FLT1: variants seen among roughly 807,000 people sequenced by gnomAD.
FLT1 encodes fms related receptor tyrosine kinase 1.
Under a neutral mutation model 156.3 loss-of-function variants are expected in FLT1, and 49 were observed. That is an observed-to-expected ratio of 0.31 (90% CI 0.25 to 0.40). The LOEUF (loss-of-function observed/expected upper bound fraction) is 0.40. FLT1 is among the 10% of genes least tolerant of loss of function. The probability of loss-of-function intolerance (pLI) is 1.00; values close to 1 mark genes in which losing one functional copy is unlikely to be tolerated. For synonymous variants in FLT1, 594 were observed against 583.8 expected, an observed-to-expected ratio of 1.02 and a Z score of -0.25; for missense variants, 1,322 against 1,637.2, an observed-to-expected ratio of 0.81 and a Z score of 3.32.
chr13:28,310,670 A>G (rs1283185827), intron 27 of FLT1, among the ~76,000 whole-genome samples: 1 of 152,138 alleles, frequency 6.6e-6, no homozygotes, highest in Non-Finnish European at 1.5e-5. Flanking sequence ...CCCTTCTCCA[A>G]TTCCCTCTGC....
At position 28,301,907 on chromosome 13, in the gene FLT1, T is replaced by C. The variant is rs1229009771; in HGVS notation, c.*1260A>G. ...CATAAATTACATACCACCTTTTTACTCAAGGAGCTTAAAGTGCTTAATATG... is the reference window on the plus strand; with the variant it reads ...CATAAATTACATACCACCTTTTTACCCAAGGAGCTTAAAGTGCTTAATATG... On this transcript the variant is annotated 3_prime_UTR_variant, in exon 30 of 30. Coordinates refer to ENST00000282397, the MANE Select transcript of FLT1 (RefSeq NM_002019.4). 1 of 233,532 alleles carries C rather than the reference T, an allele frequency of 4.3e-6. No individual in the cohort carries two copies. The highest frequency in any genetic ancestry group is 8.5e-6 in the Non-Finnish European group (1 of 117,990). 14.5% of individuals were successfully genotyped at this position (233,532 alleles called of 1,614,324 possible).
Position 28,439,781 on chromosome 13 carries a change from T to G in FLT1, c.389-1436A>C, listed in dbSNP as rs1194275277. ...CAAGGATTGCGGGCAACCACCAGCA[T>G]GTAGGAAGAGGCGAGGGAGGGTTCT... On this transcript the variant is annotated intron_variant, in intron 3 of 29. Transcript: ENST00000282397. The surrounding 1 kb of genome is among the most constrained non-coding windows in gnomAD (Gnocchi z 4.1). 2.6e-5 allele frequency among the ~76,000 whole-genome samples: 4 copies of G among 152,164 alleles called. No homozygotes were observed. The highest frequency in any genetic ancestry group is 9.7e-5 in the African/African-American group (4 of 41,434).
intron 13 of FLT1, chr13:28,388,528 A>G (rs977462804): frequency 1.9e-6 from 2 of 1,042,284 alleles, no homozygotes; most frequent in African/African-American, 3.3e-5. Context: ...AACAATGCAT[A>G]TTAAATTGGT....
At chr13:28,314,330 C>T (rs1029656651) in intron 25 of FLT1, among the ~76,000 whole-genome samples, 2 of 152,048 alleles carry the variant, frequency 1.3e-5, no homozygotes, top group East Asian at 1.9e-4. Context: ...TCTTGGATTC[C>T]GATTTCTAGT....
chr13:28,438,075 C>T (rs1042574468), intron 4 of FLT1, 146 bp downstream of exon 4: 1 of 745,014 alleles, frequency 1.3e-6, no homozygotes, highest in Non-Finnish European at 2.4e-6. Flanking sequence ...TAGCACTATT[C>T]CTTATAGTAA....
chr13:28,405,764 T>C lies in FLT1; in HGVS notation c.1551+16A>G. 1.4e-6 allele frequency: 2 copies of C among 1,391,444 alleles called. No homozygotes were observed. Among genetic ancestry groups the C allele is most frequent in the Non-Finnish European group, 1.0e-6 (1 of 977,616 alleles). 86.2% of individuals were successfully genotyped at this position (1,391,444 alleles called of 1,614,324 possible). ...TGTGGAATAAATATCCCAGTGCGCA[T>C]TTTTACAAACAATACCTTATTCTTT... On this transcript the variant is annotated intron_variant, in intron 11 of 29. Transcript: ENST00000282397.
chr13:28,302,926 CTA>C lies in FLT1; in HGVS notation c.*239_*240del. 1.8e-6 allele frequency: 1 copy of C among 548,096 alleles called. No homozygotes were observed. The highest frequency in any genetic ancestry group is 3.3e-6 in the Non-Finnish European group (1 of 306,532). 34.0% of individuals were successfully genotyped at this position (548,096 alleles called of 1,614,324 possible). ...GTCATTGGGTTTAGGAAGGATTTCT[CTA>C]ACACTGAGTAACATGAGGATTTAGC... On this transcript the variant is annotated 3_prime_UTR_variant, in exon 30 of 30. Coordinates refer to ENST00000282397, the MANE Select transcript of FLT1 (RefSeq NM_002019.4).
Position 28,495,009 on chromosome 13 carries a change from C to T in FLT1, c.-166G>A. On this transcript the variant is annotated 5_prime_UTR_variant, in exon 1 of 30. Transcript: ENST00000282397. The surrounding 1 kb of genome is among the most constrained non-coding windows in gnomAD (Gnocchi z 4.1). Reference sequence around the variant, plus strand: ...CACTTCCCCGGGTAATCCTCGCCGCCAGGCGCCCGCTGGCCGCTGCACCCG... The same window carrying T: ...CACTTCCCCGGGTAATCCTCGCCGCTAGGCGCCCGCTGGCCGCTGCACCCG... The T allele has an allele frequency of 1.9e-6, 1 of 516,836 alleles. No homozygotes were observed. The highest frequency in any genetic ancestry group is 3.2e-5 in the South Asian group (1 of 30,838). 32.0% of individuals were successfully genotyped at this position (516,836 alleles called of 1,614,324 possible).
chr13:28,343,921 C>T (rs1593696019), intron 16 of FLT1, among the ~76,000 whole-genome samples: 1 of 152,014 alleles, frequency 6.6e-6, no homozygotes, highest in Non-Finnish European at 1.5e-5. Context: ...GGATTACAGG[C>T]GTGAGCCACC....
intron 10 of FLT1, among the ~76,000 whole-genome samples, chr13:28,419,514 C>A (rs1876858551): frequency 6.6e-6 from 1 of 152,212 alleles, no homozygotes; most frequent in Non-Finnish European, 1.5e-5. Context: ...AAGGAATCTT[C>A]ACAAATTTTG....
chr13:28,319,378 C>T (rs753561169), intron 24 of FLT1, 45 bp downstream of exon 24: 1 of 1,232,096 alleles, frequency 8.1e-7, no homozygotes, highest in African/African-American at 1.5e-5. Context: ...AAGATGCAGA[C>T]ATTTATTTCT....
intron 25 of FLT1, among the ~76,000 whole-genome samples, chr13:28,316,581 G>A (rs1452772258): frequency 5.9e-5 from 9 of 151,810 alleles, no homozygotes; most frequent in African/African-American, 1.7e-4. Context: ...ATGGACACCC[G>A]AAAAGCCATC....
At position 28,415,350 on chromosome 13, in the gene FLT1, G is replaced by A. The variant is rs377217238; in HGVS notation, c.1437-9456C>T. ...CAAAAAATTAGCCAGGCGTGGTGGC[G>A]CATGCCTGTAATCCCAGCTACCTGG... On this transcript the variant is annotated intron_variant, in intron 10 of 29. Coordinates refer to ENST00000282397, the MANE Select transcript of FLT1 (RefSeq NM_002019.4). 1.2e-4 allele frequency among the ~76,000 whole-genome samples: 18 copies of A among 152,148 alleles called. 1 individual carries two copies. The highest frequency in any genetic ancestry group is 3.9e-4 in the East Asian group (2 of 5,160).
At chr13:28,361,155 G>A (rs913955143) in intron 14 of FLT1, among the ~76,000 whole-genome samples, 1 of 151,824 alleles carries the variant, frequency 6.6e-6, no homozygotes, top group Non-Finnish European at 1.5e-5. Context: ...GGCTCATGCC[G>A]GTAGTCCCAG....
intron 10 of FLT1, among the ~76,000 whole-genome samples, chr13:28,411,665 T>G (rs1049573397): frequency 1.3e-5 from 2 of 152,064 alleles, no homozygotes; most frequent in Admixed American, 6.6e-5. Context: ...TGTTCTGGGA[T>G]GAAGCTGGCC....
chr13:28,461,683 C>T (rs1879585440), intron 3 of FLT1, among the ~76,000 whole-genome samples: 1 of 151,648 alleles, frequency 6.6e-6, no homozygotes, highest in Non-Finnish European at 1.5e-5. Context: ...TTTCTACTTG[C>T]TCAAGGTTTC....
chr13:28,484,917 T>C (rs1421819976), intron 1 of FLT1, among the ~76,000 whole-genome samples: 2 of 132,244 alleles, frequency 1.5e-5, no homozygotes. Flanking sequence ...AAATAATATA[T>C]GTAACTCCTG....
At chr13:28,449,938 G>A (rs574369866) in intron 3 of FLT1, among the ~76,000 whole-genome samples, 2 of 152,276 alleles carry the variant, frequency 1.3e-5, no homozygotes, top group South Asian at 4.1e-4. Flanking sequence ...CCTTCCTCTG[G>A]CTTCGCCTAA....
At chr13:28,460,806 A>G (rs1318417478) in intron 3 of FLT1, among the ~76,000 whole-genome samples, 2 of 148,970 alleles carry the variant, frequency 1.3e-5, no homozygotes, top group Admixed American at 1.3e-4. Flanking sequence ...TTACACACAC[A>G]CACACACACA....
Sources: gnomAD v4.1 joint callset for allele counts (sites outside exome capture counted in the v4.1 genomes callset) on GRCh38, gnomAD v4.1.1 for gene constraint, Gnocchi (gnomAD v3.1) non-coding constraint, MANE v1.5 for transcripts, NCBI Gene and HGNC (gene_info 2026-07-23, HGNC 2026-07-21) for gene names.